The following CASS4 variants were observed in gnomAD, a reference collection of about 807,000 sequenced individuals.
The protein encoded by CASS4 is Cas scaffold protein family member 4.
Under a neutral mutation model 54.2 loss-of-function variants are expected in CASS4, and 22 were observed. That is an observed-to-expected ratio of 0.41 (90% CI 0.29 to 0.58). CASS4 has a LOEUF of 0.58. CASS4 is among the 20% of genes least tolerant of loss of function. CASS4 has a pLI of 0.36. For missense variants in CASS4, 854 were observed against 986.7 expected (o/e 0.87, Z 1.80); for synonymous variants, 409 against 391.5 (o/e 1.04, Z -0.53).
chr20:56,440,977 TA>T lies in CASS4; in HGVS notation c.459+3402del, dbSNP rs200928361. Among the ~76,000 whole-genome samples the T allele has an allele frequency of 2.8e-3, 421 of 148,094 alleles. 3 individuals are homozygous for T. The highest frequency in any genetic ancestry group is 7.9e-3 in the African/African-American group (313 of 39,516). ...TTCCCTCCCTTCCTATTTATTTACT[TA>T]AAAAAAAAAATTTTTTTTTTTTTTT... On this transcript the variant is annotated intron_variant, in intron 2 of 5. Transcript: ENST00000679887.
In CASS4 at chr20:56,452,260, G is replaced by T. The variant is rs758270758; in HGVS notation, c.1084G>T (p.Ala362Ser). The stretch of plus-strand genomic sequence containing the variant: ...TAAAGCAACGTCGAGTGTTTCTCAG[G>T]CTGGGAAGGAGCTGGAGAAAGCCAA... ...IPKATSSVSQ[A>S]GKELEKAKEV... Residue 362 changes from alanine (A) to serine (S), a missense_variant, in exon 5 of 6, where the codon GCT becomes TCT. Transcript: ENST00000679887. 124 of 1,613,896 alleles carry T rather than the reference G, an allele frequency of 7.7e-5. No homozygotes were observed. The highest frequency in any genetic ancestry group is 1.1e-4 in the East Asian group (5 of 44,904).
At position 56,434,695 on chromosome 20, in the gene CASS4, C is replaced by T. The variant is rs910061545; in HGVS notation, c.37-2469C>T. On this transcript the variant is annotated intron_variant, in intron 1 of 5. Coordinates refer to ENST00000679887, the MANE Select transcript of CASS4 (RefSeq NM_020356.4). The stretch of plus-strand genomic sequence containing the variant: ...CTCCTGACCTCATCATCTGCCCCCT[C>T]GGCCTACCAAAGTGCTGGGATTACA... Among the ~76,000 whole-genome samples the T allele has an allele frequency of 2.6e-5, 4 of 152,002 alleles. No individual in the cohort carries two copies. In the East Asian group the frequency reaches 7.7e-4, roughly 29 times the overall value.
chr20:56,437,984 C>A lies in CASS4; in HGVS notation c.459+398C>A, dbSNP rs1402153693. Among the ~76,000 whole-genome samples the A allele has an allele frequency of 1.3e-5, 2 of 152,106 alleles. No individual in the cohort carries two copies. Among genetic ancestry groups the A allele is most frequent in the East Asian group, 3.9e-4 (2 of 5,188 alleles). ...TTCAGAGGCAAGAAGTTACACATCG[C>A]ATTTAAAATGTATATTCCAGGCTGG... On this transcript the variant is annotated intron_variant, in intron 2 of 5. Transcript: ENST00000679887. This position sits in a 1 kb window ranked among gnomAD's most constrained non-coding sequence, Gnocchi z 4.7.
intron 4 of CASS4, 39 bp downstream of exon 4, chr20:56,450,718 A>T (rs376902758): frequency 6.3e-7 from 1 of 1,583,148 alleles, no homozygotes; most frequent in Middle Eastern, 1.7e-4. Context: ...TGTTATGAAC[A>T]CACAAAATCC....
intron 5 of CASS4, among the ~76,000 whole-genome samples, chr20:56,455,998 T>C (rs1040257084): frequency 2.0e-5 from 3 of 151,596 alleles, no homozygotes. Context: ...ATTTTTGATC[T>C]AGTAGGTCTG....
At position 56,452,798 on chromosome 20, in the gene CASS4, A is replaced by G. The variant is rs1028497835; in HGVS notation, c.1622A>G (p.Asn541Ser). 6.2e-7 allele frequency: 1 copy of G among 1,614,080 alleles called. No homozygotes were observed. Among genetic ancestry groups the G allele is most frequent in the Non-Finnish European group, 8.5e-7 (1 of 1,180,024 alleles). Residue 541 changes from asparagine (N) to serine (S), a missense_variant, in exon 5 of 6, where the codon AAT becomes AGT. Transcript: ENST00000679887. ...ACAAAGGAAAGCTTGGATAATCGCA[A>G]TTGGCCTCTGGAAGTTCTTGTGACT... The part of the protein sequence containing the change: ...LETKESLDNR[N>S]WPLEVLVTDS...
chr20:56,437,558 G>A lies in CASS4; in HGVS notation c.431G>A (p.Cys144Tyr). 1 of 1,549,598 alleles carries A rather than the reference G, an allele frequency of 6.5e-7. No homozygotes were observed. The highest frequency in any genetic ancestry group is 8.7e-7 in the Non-Finnish European group (1 of 1,149,104). The part of the protein sequence containing the change: ...PDPPTSARII[C>Y]EKTLSFPKQA... ...CCTCCCACCAGTGCCAGAATCATCT[G>A]TGAAAAGACTCTCAGCTTTCCAAAA... The change falls in exon 2 of 6, where the codon TGT becomes TAT. Residue 144 changes from cysteine (C) to tyrosine (Y), a missense_variant. By Grantham distance (194) the Cys-to-Tyr change is radical (BLOSUM62 -2). Coordinates refer to ENST00000679887, the MANE Select transcript of CASS4 (RefSeq NM_020356.4). The surrounding 1 kb of genome is among the most constrained non-coding windows in gnomAD (Gnocchi z 4.7).
At chr20:56,419,165 C>A (rs995264824) in intron 1 of CASS4, among the ~76,000 whole-genome samples, 2 of 151,954 alleles carry the variant, frequency 1.3e-5, no homozygotes, top group Non-Finnish European at 2.9e-5. Flanking sequence ...ATGACAGGGG[C>A]CTGAAGGGGA....
Position 56,450,456 on chromosome 20 carries a change from C to A in CASS4, c.562-143C>A, listed in dbSNP as rs6024884. 3.0e-4 allele frequency: 218 copies of A among 720,926 alleles called. No homozygotes were observed. The African/African-American group carries it at 3.6e-3, about 12-fold the overall frequency. 44.7% of individuals were successfully genotyped at this position (720,926 alleles called of 1,614,324 possible). A position where few individuals can be genotyped will look rare whatever the true frequency, so the allele number is the denominator to read the frequency against. ...CCTGTCACCCAGATTTCTACCATTA[C>A]AGCATCATGACCAAAAGCACCGAAA... On this transcript the variant is annotated intron_variant, in intron 3 of 5. Transcript: ENST00000679887.
intron 1 of CASS4, among the ~76,000 whole-genome samples, chr20:56,436,368 A>ATG (rs1417872682): frequency 2.5e-4 from 36 of 145,476 alleles, no homozygotes; most frequent in Admixed American, 1.5e-3. Context: ...GTGTATATAT[A>ATG]TATATGTATA....
intron 2 of CASS4, among the ~76,000 whole-genome samples, chr20:56,439,509 A>C (rs1490844825): frequency 2.0e-5 from 3 of 151,464 alleles, no homozygotes; most frequent in African/African-American, 7.3e-5. Context: ...CATCTTTACT[A>C]ATAATAATAA....
Position 56,437,175 on chromosome 20 carries a change from C to G in CASS4, c.48C>G (p.Ala16=). 1 of 1,557,118 alleles carries G rather than the reference C, an allele frequency of 6.4e-7. No homozygotes were observed. Among genetic ancestry groups the G allele is most frequent in the Non-Finnish European group, 8.7e-7 (1 of 1,148,018 alleles). The change falls in exon 2 of 6, where the codon GCC becomes GCG. Residue 16 remains alanine (A), a synonymous_variant. Transcript: ENST00000679887. The surrounding 1 kb of genome is among the most constrained non-coding windows in gnomAD (Gnocchi z 4.7). ...CTCTCCACCCACAGGCACTCCTGGC[C>G]AGGGCACTTTATGACAACTGCCCTG... The part of the protein sequence containing the change: ...IMDCAPKALL[A]RALYDNCPDC...
chr20:56,416,430 T>G (rs1022758625), intron 1 of CASS4, among the ~76,000 whole-genome samples: 4 of 152,352 alleles, frequency 2.6e-5, no homozygotes, highest in East Asian at 1.9e-4. Context: ...GTTCTTATTT[T>G]GGATTTTTGG....
At chr20:56,413,249 G>A (rs1978969597) in intron 1 of CASS4, among the ~76,000 whole-genome samples, 1 of 151,432 alleles carries the variant, frequency 6.6e-6, no homozygotes, top group Non-Finnish European at 1.5e-5. Context: ...AGAAAGTGAA[G>A]CTCAAGGTTG....
chr20:56,445,616 C>T (rs760877875), intron 2 of CASS4, among the ~76,000 whole-genome samples: 8 of 152,186 alleles, frequency 5.3e-5, no homozygotes, highest in Non-Finnish European at 1.2e-4. Flanking sequence ...GTCCAACTCG[C>T]GTGGGCCCAA....
chr20:56,455,130 T>C (rs1394771551), intron 5 of CASS4, among the ~76,000 whole-genome samples: 1 of 95,704 alleles, frequency 1.0e-5, no homozygotes, highest in Non-Finnish European at 2.0e-5. Context: ...GTTCTTCCTT[T>C]TTTAAAAAAA....
At chr20:56,454,053 C>G (rs558531052) in intron 5 of CASS4, among the ~76,000 whole-genome samples, 62 of 151,976 alleles carry the variant, frequency 4.1e-4, no homozygotes, top group Admixed American at 3.1e-3. Flanking sequence ...TGGTGGTGTG[C>G]GCCTGTAATT....
In CASS4 at chr20:56,458,903, C is replaced by T. The variant is rs1481672858; in HGVS notation, c.*156C>T. ...TGGTAGTACCAAGTGGCTAAGCAAC[C>T]CCAGGGCATTGACTTACCCCGCAGG... On this transcript the variant is annotated 3_prime_UTR_variant, in exon 6 of 6. Coordinates refer to ENST00000679887, the MANE Select transcript of CASS4 (RefSeq NM_020356.4). 1.3e-5 allele frequency: 9 copies of T among 714,230 alleles called. No homozygotes were observed. Among genetic ancestry groups the T allele is most frequent in the Admixed American group, 2.9e-5 (1 of 33,978 alleles). 44.2% of individuals were successfully genotyped at this position (714,230 alleles called of 1,614,324 possible). A position where few individuals can be genotyped will look rare whatever the true frequency, so the allele number is the denominator to read the frequency against.
rs190767176 is a variant in CASS4, at chr20:56,412,429, A to G, written c.-30A>G. The G allele has an allele frequency of 4.8e-4, 773 of 1,610,908 alleles. No individual in the cohort carries two copies. Among genetic ancestry groups the G allele is most frequent in the Non-Finnish European group, 6.2e-4 (731 of 1,178,494 alleles). Reference sequence around the variant, plus strand: ...CTGAAGCTGGAGATACTAGCTGCAGAGCTCAGGGGAGCTGCTCCACATCAC... The same window carrying G: ...CTGAAGCTGGAGATACTAGCTGCAGGGCTCAGGGGAGCTGCTCCACATCAC... On this transcript the variant is annotated 5_prime_UTR_variant, in exon 1 of 6. Coordinates refer to ENST00000679887, the MANE Select transcript of CASS4 (RefSeq NM_020356.4). This position sits in a 1 kb window ranked among gnomAD's most constrained non-coding sequence, Gnocchi z 4.2.
Sources: gnomAD v4.1 joint callset for allele counts (sites outside exome capture counted in the v4.1 genomes callset) on GRCh38, gnomAD v4.1.1 for gene constraint, Gnocchi (gnomAD v3.1) non-coding constraint, MANE v1.5 for transcripts, NCBI Gene and HGNC (gene_info 2026-07-23, HGNC 2026-07-21) for gene names.